Variants in AJAP1 observed in about 807,000 individuals in gnomAD.
AJAP1 encodes the protein adherens junction-associated protein 1.
In AJAP1, 5 loss-of-function variants were observed where a neutral mutation model predicts 35.0. The observed-to-expected ratio is 0.14, with a 90% CI of 0.07 to 0.30. The LOEUF (loss-of-function observed/expected upper bound fraction) is 0.30, where lower values mean the gene tolerates loss of function less well. Among genes scored for constraint, AJAP1 ranks in the 10% least tolerant of loss-of-function variants. The probability of loss-of-function intolerance (pLI) is 1.00; values close to 1 mark genes in which losing one functional copy is unlikely to be tolerated. For missense variants in AJAP1, 586 were observed against 571.0 expected (o/e 1.03, Z -0.27); for synonymous variants, 284 against 249.3 (o/e 1.14, Z -1.31).
intron 2 of AJAP1, among the ~76,000 whole-genome samples, chr1:4,722,454 C>T (rs1417164301): frequency 2.6e-5 from 4 of 152,252 alleles, no homozygotes; most frequent in Non-Finnish European, 5.9e-5. Flanking sequence ...CAGCTGGAGC[C>T]TCGTCCTCTA....
chr1:4,738,499 G>T (rs1170255343), intron 2 of AJAP1, among the ~76,000 whole-genome samples: 4 of 152,240 alleles, frequency 2.6e-5, no homozygotes, highest in Admixed American at 6.5e-5. Flanking sequence ...CCTAGGGCAG[G>T]AGTGGAGGTT....
At chr1:4,737,578 T>A (rs1190510379) in intron 2 of AJAP1, among the ~76,000 whole-genome samples, 1 of 151,860 alleles carries the variant, frequency 6.6e-6, no homozygotes, top group Non-Finnish European at 1.5e-5. Flanking sequence ...CCCAGACTCC[T>A]GAGGCCCTTG....
intron 1 of AJAP1, among the ~76,000 whole-genome samples, chr1:4,703,438 G>A (rs916657274): frequency 6.6e-6 from 1 of 152,146 alleles, no homozygotes; most frequent in Non-Finnish European, 1.5e-5. Flanking sequence ...GGGAGTCAGA[G>A]GTTCTTCTGT....
chr1:4,719,788 G>A lies in AJAP1; in HGVS notation c.829+7089G>A, dbSNP rs747546175. 2.6e-5 allele frequency among the ~76,000 whole-genome samples: 4 copies of A among 152,160 alleles called. No individual in the cohort carries two copies. The East Asian group carries it at 5.8e-4, about 22-fold the overall frequency. On this transcript the variant is annotated intron_variant, in intron 2 of 5. Coordinates refer to ENST00000378191, the MANE Select transcript of AJAP1 (RefSeq NM_018836.4). Reference sequence around the variant, plus strand: ...ATGGTTTTGGAGGATCCCCTTCCCCGACTTGTCATCAGTGAAAGAAGAATG... The same window carrying A: ...ATGGTTTTGGAGGATCCCCTTCCCCAACTTGTCATCAGTGAAAGAAGAATG...
chr1:4,762,659 T>A (rs1445449921), intron 2 of AJAP1, among the ~76,000 whole-genome samples: 2 of 152,226 alleles, frequency 1.3e-5, no homozygotes, highest in Non-Finnish European at 2.9e-5. Context: ...ATCCTTGTGC[T>A]GTGATAAACT....
At chr1:4,708,996 C>T (rs1640162574) in intron 1 of AJAP1, among the ~76,000 whole-genome samples, 1 of 152,242 alleles carries the variant, frequency 6.6e-6, no homozygotes, top group East Asian at 1.9e-4. Flanking sequence ...GGTTTTTCTG[C>T]ATAACAGCTG....
chr1:4,678,159 T>C (rs1297826007), intron 1 of AJAP1, among the ~76,000 whole-genome samples: 1 of 152,236 alleles, frequency 6.6e-6, no homozygotes, highest in African/African-American at 2.4e-5. Context: ...TCCTGTGGCC[T>C]GAAATTCATA....
intron 2 of AJAP1, among the ~76,000 whole-genome samples, chr1:4,728,419 T>C (rs939550396): frequency 6.6e-6 from 1 of 152,176 alleles, no homozygotes; most frequent in Non-Finnish European, 1.5e-5. Flanking sequence ...GCACTCACAC[T>C]GCCACAGCCA....
intron 2 of AJAP1, among the ~76,000 whole-genome samples, chr1:4,724,129 A>G (rs1640591681): frequency 6.6e-6 from 1 of 152,180 alleles, no homozygotes; most frequent in African/African-American, 2.4e-5. Context: ...TGGCCTCCCC[A>G]GGCTGGGGTG....
chr1:4,724,544 C>T lies in AJAP1; in HGVS notation c.829+11845C>T, dbSNP rs558651218. On this transcript the variant is annotated intron_variant, in intron 2 of 5. Transcript: ENST00000378191. ...GCACTTGCCCAGAGGTGGGCCTGCT[C>T]GCTCCTCCCCAGCCCCTCGCCAATA... Among the ~76,000 whole-genome samples the T allele has an allele frequency of 3.9e-5, 6 of 152,224 alleles. No individual in the cohort carries two copies. In the South Asian group the frequency reaches 1.2e-3, roughly 32 times the overall value.
At chr1:4,736,600 T>C (rs958714543) in intron 2 of AJAP1, among the ~76,000 whole-genome samples, 2 of 152,256 alleles carry the variant, frequency 1.3e-5, no homozygotes, top group Non-Finnish European at 2.9e-5. Context: ...GACTCCCCAG[T>C]GAACCTGCAA....
At chr1:4,682,597 G>A (rs1639507208) in intron 1 of AJAP1, among the ~76,000 whole-genome samples, 1 of 152,204 alleles carries the variant, frequency 6.6e-6, no homozygotes, top group South Asian at 2.1e-4. Context: ...TGTGGTTCCT[G>A]TATCCTCCCT....
intron 1 of AJAP1, among the ~76,000 whole-genome samples, chr1:4,669,316 C>T (rs971781513): frequency 6.6e-6 from 1 of 152,198 alleles, no homozygotes; most frequent in African/African-American, 2.4e-5. Context: ...CATTCTTATA[C>T]TGCTATGAAG....
intron 5 of AJAP1, among the ~76,000 whole-genome samples, chr1:4,774,944 C>T (rs1641913172): frequency 6.6e-6 from 1 of 152,146 alleles, no homozygotes; most frequent in Non-Finnish European, 1.5e-5. Flanking sequence ...GAGATTAGGA[C>T]AGCGGCTAGG....
chr1:4,701,115 C>T (rs1639977171), intron 1 of AJAP1, among the ~76,000 whole-genome samples: 1 of 152,244 alleles, frequency 6.6e-6, no homozygotes, highest in East Asian at 1.9e-4. Flanking sequence ...CTCCAAGCAC[C>T]TGCGAAGGCT....
chr1:4,719,831 T>G (rs954596702), intron 2 of AJAP1, among the ~76,000 whole-genome samples: 1 of 152,292 alleles, frequency 6.6e-6, no homozygotes, highest in African/African-American at 2.4e-5. Flanking sequence ...GGTGCGCCCC[T>G]TCCCTCCCTG....
intron 1 of AJAP1, among the ~76,000 whole-genome samples, chr1:4,709,920 G>A (rs1199743854): frequency 1.3e-5 from 2 of 152,100 alleles, no homozygotes; most frequent in Non-Finnish European, 2.9e-5. Context: ...TGATGACTGG[G>A]GGGCCATCTG....
chr1:4,708,217 C>T (rs1028840311), intron 1 of AJAP1, among the ~76,000 whole-genome samples: 15 of 152,018 alleles, frequency 9.9e-5, no homozygotes, highest in East Asian at 3.9e-4. Flanking sequence ...CCTCCCACCT[C>T]GGCCTCCCAA....
intron 1 of AJAP1, among the ~76,000 whole-genome samples, chr1:4,680,521 C>T (rs896001022): frequency 3.2e-4 from 49 of 152,252 alleles, no homozygotes; most frequent in African/African-American, 9.6e-4. Context: ...ATGGGTCAGC[C>T]GGCTTTCTTT....
Sources: allele counts gnomAD v4.1 joint callset (sites outside exome capture counted in the v4.1 genomes callset), GRCh38; gene constraint gnomAD v4.1.1; transcripts MANE v1.5; gene names NCBI Gene and HGNC (gene_info 2026-07-23, HGNC 2026-07-21).